The following MORN1 variants were observed in gnomAD, a reference collection of about 807,000 sequenced individuals.
The protein encoded by MORN1 is MORN repeat containing 1, also known as MORN repeat-containing protein 1.
Under a neutral mutation model 61.9 loss-of-function variants are expected in MORN1, and 67 were observed. The observed-to-expected ratio is 1.08, with a 90% CI of 0.89 to 1.33. The LOEUF is 1.33. MORN1 is among the 40% of genes most tolerant of loss of function. MORN1 has a pLI of 0.00. For missense variants in MORN1, 752 were observed against 691.2 expected (o/e 1.09, Z -0.99); for synonymous variants, 301 against 292.0 (o/e 1.03, Z -0.31).
At chr1:2,335,862 A>AT (rs555757899) in intron 12 of MORN1, among the ~76,000 whole-genome samples, 45 of 138,022 alleles carry the variant, frequency 3.3e-4, no homozygotes, top group African/African-American at 1.4e-3. Context: ...GCTGCCCCCA[A>AT]TTTGTAGACA....
chr1:2,324,073 T>C (rs1333873275), intron 13 of MORN1, 24 bp downstream of exon 13: 4 of 1,587,368 alleles, frequency 2.5e-6, no homozygotes, highest in Admixed American at 1.8e-5. Context: ...CAGCCGGCGA[T>C]GGACTTGGGC....
At chr1:2,383,134 C>A (rs796588997) in intron 6 of MORN1, among the ~76,000 whole-genome samples, 1 of 152,228 alleles carries the variant, frequency 6.6e-6, no homozygotes, top group Non-Finnish European at 1.5e-5. Context: ...CAGCACCCCC[C>A]TTCCTTGCCC....
intron 12 of MORN1, among the ~76,000 whole-genome samples, chr1:2,328,608 C>A (rs889761664): frequency 1.3e-5 from 2 of 152,224 alleles, no homozygotes; most frequent in African/African-American, 4.8e-5. Context: ...TTTCTGCAGC[C>A]CCGGGAGCCC....
At chr1:2,354,782 C>T (rs1641724539) in intron 10 of MORN1, among the ~76,000 whole-genome samples, 1 of 152,342 alleles carries the variant, frequency 6.6e-6, no homozygotes, top group South Asian at 2.1e-4. Flanking sequence ...AGAGGTTTAG[C>T]TTCACATCAG....
At chr1:2,343,011 T>A (rs535980283) in intron 10 of MORN1, among the ~76,000 whole-genome samples, 4 of 152,072 alleles carry the variant, frequency 2.6e-5, no homozygotes, top group African/African-American at 9.6e-5. Flanking sequence ...AGTGCTGGGA[T>A]CACGGGCGTG....
At position 2,357,561 on chromosome 1, in the gene MORN1, CG is replaced by C; in HGVS notation, c.906del (p.Ala303GlnfsTer130). 6.2e-7 allele frequency: 1 copy of C among 1,610,884 alleles called. No homozygotes were observed. On this transcript the variant is annotated frameshift_variant, in exon 10 of 14. Transcript: ENST00000378531. LOFTEE classifies it high-confidence loss of function. The surrounding 1 kb of genome is among the most constrained non-coding windows in gnomAD (Gnocchi z 6.3). ...FECIPYPVSSPAAGVPGPRAA... is the reference protein window; with the variant it reads ...FECIPYPVSSXAAGVPGPRAA... ...GCTCTGGGCCCCGGCACCCCAGCTG[CG>C]GGGCTGGACACAGGATAAGGGATGC...
At chr1:2,335,384 C>T (rs1333257851) in intron 12 of MORN1, among the ~76,000 whole-genome samples, 1 of 152,188 alleles carries the variant, frequency 6.6e-6, no homozygotes, top group African/African-American at 2.4e-5. Flanking sequence ...CTTCTGTTTG[C>T]CGGATGGGCA....
chr1:2,335,958 C>G (rs1373934791), intron 12 of MORN1, among the ~76,000 whole-genome samples: 1 of 152,166 alleles, frequency 6.6e-6, no homozygotes, highest in East Asian at 1.9e-4. Context: ...GGTTACGGCC[C>G]TGCATGTGCT....
intron 8 of MORN1, chr1:2,362,951 G>A (rs1486694783): frequency 1.3e-5 from 2 of 152,278 alleles, no homozygotes; most frequent in African/African-American, 4.8e-5. Context: ...TACAAGAAAT[G>A]TTAAAGATTA....
At chr1:2,365,681 A>T (rs920915819) in intron 8 of MORN1, among the ~76,000 whole-genome samples, 1 of 152,010 alleles carries the variant, frequency 6.6e-6, no homozygotes, top group African/African-American at 2.4e-5. Context: ...TCAGTATGAT[A>T]TTGGCTGTGG....
At chr1:2,327,037 GACAGAAAC>G (rs1641040998) in intron 12 of MORN1, among the ~76,000 whole-genome samples, 2 of 151,732 alleles carry the variant, frequency 1.3e-5, no homozygotes, top group South Asian at 4.2e-4. Flanking sequence ...CAGAAACGAA[GACAGAAAC>G]ACAGAGACAC....
chr1:2,355,573 G>A (rs1364396164), intron 10 of MORN1: 1 of 1,273,570 alleles, frequency 7.9e-7, no homozygotes, highest in Non-Finnish European at 1.1e-6. Context: ...TGGTGGCGGA[G>A]GCTCTTCCCA....
chr1:2,333,509 T>C (rs1451461994), intron 12 of MORN1, among the ~76,000 whole-genome samples: 1 of 152,158 alleles, frequency 6.6e-6, no homozygotes, highest in Non-Finnish European at 1.5e-5. Context: ...AACAAAGTTG[T>C]CAGTCACAGG....
chr1:2,358,149 T>C (rs1219497681), intron 9 of MORN1, among the ~76,000 whole-genome samples: 1 of 152,184 alleles, frequency 6.6e-6, no homozygotes, highest in Non-Finnish European at 1.5e-5. Context: ...GTCCAGCGTG[T>C]TCCTGGGAGG....
chr1:2,382,781 G>A (rs1229599786), intron 6 of MORN1, among the ~76,000 whole-genome samples: 2 of 152,174 alleles, frequency 1.3e-5, no homozygotes, highest in Non-Finnish European at 1.5e-5. Context: ...GCCCAGGCCA[G>A]CAGGGGCAGC....
intron 13 of MORN1, 158 bp downstream of exon 13, chr1:2,323,939 T>C (rs751757625): frequency 4.1e-6 from 4 of 969,502 alleles, no homozygotes; most frequent in Non-Finnish European, 4.9e-6. Flanking sequence ...TTCAGGTCCC[T>C]GGGAGGGCCT....
At chr1:2,387,272 G>A (rs1362481058) in intron 4 of MORN1, 147 bp downstream of exon 4, 2 of 685,240 alleles carry the variant, frequency 2.9e-6, no homozygotes, top group African/African-American at 3.5e-5. Context: ...TGGTGGTGCG[G>A]AGAAGAGGGC....
intron 8 of MORN1, among the ~76,000 whole-genome samples, chr1:2,369,961 T>C (rs933221073): frequency 2.0e-5 from 3 of 152,200 alleles, no homozygotes; most frequent in African/African-American, 7.2e-5. Context: ...CAGCCTTCTT[T>C]TGTTGTTGTT....
At chr1:2,390,454 C>T in intron 1 of MORN1, 1 of 985,388 alleles carries the variant, frequency 1.0e-6, no homozygotes, top group Non-Finnish European at 1.2e-6. Context: ...GGAGAAAATC[C>T]ACACTCATAC....
Sources: allele counts gnomAD v4.1 joint callset (sites outside exome capture counted in the v4.1 genomes callset), GRCh38; gene constraint gnomAD v4.1.1; non-coding constraint Gnocchi (gnomAD v3.1); transcripts MANE v1.5; gene names NCBI Gene and HGNC (gene_info 2026-07-23, HGNC 2026-07-21).